The following SPAG11B variants were observed in gnomAD, a reference collection of about 807,000 sequenced individuals.
SPAG11B encodes sperm associated antigen 11B.
In SPAG11B, 5 loss-of-function variants were observed where a neutral mutation model predicts 8.9. The observed-to-expected ratio is 0.56, with a 90% CI of 0.29 to 1.19. The LOEUF (loss-of-function observed/expected upper bound fraction) is 1.19. Among genes scored for constraint, SPAG11B ranks in the 50% most tolerant of loss-of-function variants. SPAG11B has a pLI of 0.08. For missense variants in SPAG11B, 38 were observed against 146.4 expected (o/e 0.26, Z 3.82); for synonymous variants, 12 against 53.0 (o/e 0.23, Z 3.36).
intron 2 of SPAG11B, among the ~76,000 whole-genome samples, chr8:7,458,686 A>G (rs1810594034): frequency 7.7e-6 from 1 of 129,708 alleles, no homozygotes; most frequent in African/African-American, 3.1e-5. Context: ...AAAAAAAAAA[A>G]AAAAAATAGA....
In SPAG11B at chr8:7,451,228, A is replaced by G. The variant is rs368961662; in HGVS notation, c.215-328T>C. ...GAAGGAAACAAAGGGAGTTTTGGAA[A>G]ACAGAAGTGGTCCAGAATAGGACAG... is the stretch of plus-strand genomic sequence containing the variant. On this transcript the variant is annotated intron_variant, in intron 2 of 2. Transcript: ENST00000398462. The G allele has an allele frequency of 1.9e-4, 285 of 1,487,674 alleles. 29 individuals carry two copies. The African/African-American group carries it at 3.3e-3, about 17-fold the overall frequency. The allele number at this position is 1,487,674 out of a possible 1,614,324, so 92.2% of individuals were successfully genotyped here. A position where few individuals can be genotyped will look rare whatever the true frequency, so the allele number is the denominator to read the frequency against.
In SPAG11B at chr8:7,452,971, A is replaced by G. The variant is rs1485552778; in HGVS notation, c.215-2071T>C. 1.0e-4 allele frequency among the ~76,000 whole-genome samples: 15 copies of G among 148,044 alleles called. No homozygotes were observed. In the South Asian group the frequency reaches 2.1e-3, roughly 21 times the overall value. ...TATGCTGAAAGAAAAAAAAAAACAG[A>G]GACAACGTACCACATTATTCCAAAA... On this transcript the variant is annotated intron_variant, in intron 2 of 2. Coordinates refer to ENST00000398462, the MANE Select transcript of SPAG11B (RefSeq NM_058201.4).
At chr8:7,453,014 T>C (rs536978930) in intron 2 of SPAG11B, among the ~76,000 whole-genome samples, 1 of 146,714 alleles carries the variant, frequency 6.8e-6, no homozygotes, top group Admixed American at 6.8e-5. Flanking sequence ...AAAATTCACC[T>C]ATTTATGAAG....
At position 7,450,883 on chromosome 8, in the gene SPAG11B, T is replaced by C; in HGVS notation, c.232A>G (p.Ile78Val). 2 of 1,554,352 alleles carry C rather than the reference T, an allele frequency of 1.3e-6. No homozygotes were observed. The highest frequency in any genetic ancestry group is 2.3e-5 in the South Asian group (2 of 88,054). ...TGCATATGGCAGATGGTATTTCTAA[T>C]TCCCGGTGGAACATCCCCTATGGAT... is the stretch of plus-strand genomic sequence containing the variant. ...PPYQGDVPPG[I>V]RNTICHMQQG... The change falls in exon 3 of 3, where the codon ATT (isoleucine) becomes GTT (valine). Residue 78 changes from isoleucine to valine, a missense_variant. This residue lies in a region of SPAG11B where 29 missense variants were observed against 28.0 expected (regional missense o/e 1.03). Coordinates refer to ENST00000398462, the MANE Select transcript of SPAG11B (RefSeq NM_058201.4).
Position 7,450,806 on chromosome 8 carries a change from GTCACGCTTTTTC to G in SPAG11B, c.297_308del (p.Glu99_Arg102del). On this transcript the variant is annotated inframe_deletion, in exon 3 of 3. Coordinates refer to ENST00000398462, the MANE Select transcript of SPAG11B (RefSeq NM_058201.4). ...ACCTATTCCAGGGATCAGAGCAAAT[GTCACGCTTTTTC>G]TCACCAGAATGGCAGAAAAAAAGTC... is the stretch of plus-strand genomic sequence containing the variant. 6.2e-7 allele frequency: 1 copy of G among 1,609,770 alleles called. No homozygotes were observed. The highest frequency in any genetic ancestry group is 1.1e-5 in the South Asian group (1 of 90,884).
Position 7,451,175 on chromosome 8 carries a change from C to T in SPAG11B, c.215-275G>A, listed in dbSNP as rs201164210. ...CACACAGATCCTAAATGAGGGTCCT[C>T]GAGCCTCCCGGTGAGAGATGTGCAC... On this transcript the variant is annotated intron_variant, in intron 2 of 2. Transcript: ENST00000398462. 1.5e-5 allele frequency: 24 copies of T among 1,558,868 alleles called. 4 individuals carry two copies. Among genetic ancestry groups the T allele is most frequent in the South Asian group, 3.4e-5 (3 of 89,140 alleles).
Position 7,454,175 on chromosome 8 carries a change from C to G in SPAG11B, c.215-3275G>C, listed in dbSNP as rs528438786. Among the ~76,000 whole-genome samples the G allele has an allele frequency of 4.3e-3, 523 of 121,250 alleles. 8 individuals carry two copies. Among genetic ancestry groups the G allele is most frequent in the Non-Finnish European group, 7.1e-3 (431 of 60,346 alleles). The allele number at this position is 121,250 out of a possible 152,430, so 79.5% of individuals were successfully genotyped here. On this transcript the variant is annotated intron_variant, in intron 2 of 2. Transcript: ENST00000398462. ...CCACACCAAGATGATACCCTAAGTT[C>G]AAGGGTCCCAAGGAATAATGACAAT...
At chr8:7,455,683 T>C (rs1224517100) in intron 2 of SPAG11B, among the ~76,000 whole-genome samples, 1 of 151,988 alleles carries the variant, frequency 6.6e-6, no homozygotes, top group Non-Finnish European at 1.5e-5. Context: ...GCAGAATTAG[T>C]CACAAGTGTC....
At chr8:7,453,663 G>C (rs1444719974) in intron 2 of SPAG11B, among the ~76,000 whole-genome samples, 2 of 150,058 alleles carry the variant, frequency 1.3e-5, no homozygotes, top group African/African-American at 5.0e-5. Context: ...ACCTAGACAT[G>C]GATTTTGAAA....
chr8:7,448,454 T>C (rs1809938974), downstream of SPAG11B, among the ~76,000 whole-genome samples: 3 of 152,126 alleles, frequency 2.0e-5, no homozygotes, highest in Non-Finnish European at 2.9e-5. Flanking sequence ...GATTCTGTCT[T>C]AGAACCACGC....
rs763575795 is a variant in SPAG11B at position 7,454,096 on chromosome 8, A to AAAAG, written c.215-3200_215-3197dup. 5.1e-4 allele frequency among the ~76,000 whole-genome samples: 62 copies of AAAAG among 122,408 alleles called. 1 individual carries two copies. The highest frequency in any genetic ancestry group is 2.6e-3 in the South Asian group (10 of 3,806). 80.3% of individuals were successfully genotyped at this position (122,408 alleles called of 152,430 possible). A position where few individuals can be genotyped will look rare whatever the true frequency, so the allele number is the denominator to read the frequency against. On this transcript the variant is annotated intron_variant, in intron 2 of 2. Coordinates refer to ENST00000398462, the MANE Select transcript of SPAG11B (RefSeq NM_058201.4). ...CTGAAATCTCTCAAAAAAAAAAAAA[A>AAAAG]AAAGAAAGAAAGAAAGAAAAGCAAT... is the stretch of plus-strand genomic sequence containing the variant.
downstream of SPAG11B, chr8:7,449,173 C>G (rs1809978942): frequency 2.8e-6 from 1 of 360,074 alleles, no homozygotes; most frequent in Non-Finnish European, 5.4e-6. Context: ...GCTCTGCTTC[C>G]ACACCCCCAG....
downstream of SPAG11B, among the ~76,000 whole-genome samples, chr8:7,448,921 T>G (rs1202712056): frequency 6.9e-6 from 1 of 144,082 alleles, no homozygotes; most frequent in Non-Finnish European, 1.5e-5. Flanking sequence ...AACACTTCCT[T>G]TGGAGAAATT....
chr8:7,449,926 AATTAGT>A (rs1486699393), downstream of SPAG11B, among the ~76,000 whole-genome samples: 5 of 134,668 alleles, frequency 3.7e-5, no homozygotes, highest in African/African-American at 1.5e-4. Flanking sequence ...CTACTATTGG[AATTAGT>A]ATTCAACAAA....
At chr8:7,453,348 T>C (rs1254250137) in intron 2 of SPAG11B, among the ~76,000 whole-genome samples, 1 of 148,944 alleles carries the variant, frequency 6.7e-6, no homozygotes, top group Non-Finnish European at 1.5e-5. Context: ...TAAAATTCTC[T>C]TAAGCAAAAG....
downstream of SPAG11B, among the ~76,000 whole-genome samples, chr8:7,449,564 G>T (rs1194195044): frequency 1.7e-4 from 25 of 150,016 alleles, no homozygotes; most frequent in African/African-American, 6.2e-4. Flanking sequence ...CTGTGCCTAA[G>T]AGAGACTTAC....
At chr8:7,453,089 G>T (rs1357442090) in intron 2 of SPAG11B, among the ~76,000 whole-genome samples, 1 of 143,268 alleles carries the variant, frequency 7.0e-6, no homozygotes, top group Non-Finnish European at 1.5e-5. Context: ...GAAGTTATCC[G>T]CTGTCGGAGG....
At chr8:7,448,940 G>C (rs1182115977), downstream of SPAG11B, among the ~76,000 whole-genome samples, 1 of 143,310 alleles carries the variant, frequency 7.0e-6, no homozygotes, top group African/African-American at 2.7e-5. Flanking sequence ...TTTTACATAA[G>C]AGGGAGATGA....
At chr8:7,458,724 T>C (rs1221396391) in intron 2 of SPAG11B, among the ~76,000 whole-genome samples, 1 of 115,654 alleles carries the variant, frequency 8.6e-6, no homozygotes, top group African/African-American at 3.6e-5. Context: ...AAAATAAATA[T>C]CTGCAAAGTA....
Sources: gnomAD v4.1 joint callset for allele counts (sites outside exome capture counted in the v4.1 genomes callset) on GRCh38, gnomAD v4.1.1 for gene constraint, gnomAD v4.1.1 regional missense constraint, MANE v1.5 for transcripts, NCBI Gene and HGNC (gene_info 2026-07-23, HGNC 2026-07-21) for gene names.